RSPO2: variants seen among roughly 807,000 people sequenced by gnomAD.
RSPO2 encodes the protein R-spondin-2.
Under a neutral mutation model 30.9 loss-of-function variants are expected in RSPO2, and 14 were observed. The observed-to-expected ratio is 0.45, with a 90% CI of 0.30 to 0.71. The LOEUF (loss-of-function observed/expected upper bound fraction) is 0.71. Ranked by LOEUF, RSPO2 falls within the 30% of genes least tolerant of loss-of-function variation. RSPO2 has a pLI of 0.08. For missense variants in RSPO2, 264 were observed against 301.9 expected (o/e 0.87, Z 0.93); for synonymous variants, 107 against 96.4 (o/e 1.11, Z -0.64).
intron 2 of RSPO2, among the ~76,000 whole-genome samples, chr8:108,005,521 ATTTGTCTGTCTGCTTG>A (rs146812137): frequency 0.084 from 12,765 of 151,594 alleles, 877 homozygotes; most frequent in African/African-American, 0.18. Context: ...CTTCTCCCTC[ATTTGTCTGTCTGCTTG>A]TTTGTTACGT....
At chr8:108,015,206 T>C (rs181728661) in intron 2 of RSPO2, among the ~76,000 whole-genome samples, 3 of 152,330 alleles carry the variant, frequency 2.0e-5, no homozygotes, top group African/African-American at 7.2e-5. Flanking sequence ...TATATACATA[T>C]TGAGATTATT....
At chr8:108,007,525 T>C (rs1815491224) in intron 2 of RSPO2, among the ~76,000 whole-genome samples, 1 of 152,140 alleles carries the variant, frequency 6.6e-6, no homozygotes, top group Admixed American at 6.5e-5. Flanking sequence ...CGCCTGCTGA[T>C]GTGATGCAAC....
chr8:107,953,019 G>T (rs1813305585), intron 5 of RSPO2, among the ~76,000 whole-genome samples: 1 of 152,172 alleles, frequency 6.6e-6, no homozygotes. Context: ...TTGCTGTGTG[G>T]TTACTAAAAA....
At chr8:108,044,958 C>T (rs1811869413) in intron 2 of RSPO2, among the ~76,000 whole-genome samples, 1 of 152,076 alleles carries the variant, frequency 6.6e-6, no homozygotes, top group Admixed American at 6.6e-5. Flanking sequence ...AAATGTAAGA[C>T]CTTAAACTGT....
At chr8:107,988,382 C>A (rs1586605113) in intron 3 of RSPO2, among the ~76,000 whole-genome samples, 1 of 150,430 alleles carries the variant, frequency 6.6e-6, no homozygotes, top group Admixed American at 6.6e-5. Context: ...AATTGGTAAA[C>A]CAGAGAGATT....
chr8:108,021,417 T>C (rs1323839136), intron 2 of RSPO2, among the ~76,000 whole-genome samples: 1 of 152,162 alleles, frequency 6.6e-6, no homozygotes, highest in Non-Finnish European at 1.5e-5. Flanking sequence ...CAAGTAGGAA[T>C]TTAGTATAGT....
chr8:107,918,184 C>A (rs575929315), intron 5 of RSPO2, among the ~76,000 whole-genome samples: 1 of 152,244 alleles, frequency 6.6e-6, no homozygotes, highest in African/African-American at 2.4e-5. Flanking sequence ...AAGAAAATGT[C>A]TTCCGAGCTA....
At chr8:108,055,282 G>A (rs973709892) in intron 2 of RSPO2, among the ~76,000 whole-genome samples, 5 of 152,198 alleles carry the variant, frequency 3.3e-5, no homozygotes, top group African/African-American at 1.2e-4. Flanking sequence ...AAGAGTGTAT[G>A]AGAGACAGAA....
At chr8:108,070,697 G>A (rs1041263264) in intron 2 of RSPO2, among the ~76,000 whole-genome samples, 10 of 152,092 alleles carry the variant, frequency 6.6e-5, no homozygotes, top group Non-Finnish European at 1.3e-4. Flanking sequence ...AGATGGCTGT[G>A]GGGTGGCTCT....
intron 3 of RSPO2, among the ~76,000 whole-genome samples, chr8:107,970,341 C>T (rs1813952594): frequency 1.3e-5 from 2 of 152,206 alleles, no homozygotes; most frequent in African/African-American, 4.8e-5. Context: ...GCAAGCTATT[C>T]TTAGCTTAAG....
intron 3 of RSPO2, among the ~76,000 whole-genome samples, chr8:107,977,894 C>T (rs1371851026): frequency 6.6e-6 from 1 of 151,748 alleles, no homozygotes; most frequent in Non-Finnish European, 1.5e-5. Flanking sequence ...TTAATAGGAT[C>T]GTCAGATGTG....
chr8:107,934,495 C>G (rs182141513), intron 5 of RSPO2, among the ~76,000 whole-genome samples: 1 of 152,074 alleles, frequency 6.6e-6, no homozygotes, highest in Non-Finnish European at 1.5e-5. Flanking sequence ...GCCTCAGCCT[C>G]CCAAGTAGCT....
At position 108,049,393 on chromosome 8, in the gene RSPO2, T is replaced by TA. The variant is rs953837379; in HGVS notation, c.94+33151dup. On this transcript the variant is annotated intron_variant, in intron 2 of 5. Transcript: ENST00000276659. Reference sequence around the variant, plus strand: ...TTTTAAAGAATACATGCATCTTTTTTAAAAAAAAATTACTTTAGATTCTGG... The same window carrying TA: ...TTTTAAAGAATACATGCATCTTTTTTAAAAAAAAAATTACTTTAGATTCTGG... Among the ~76,000 whole-genome samples, 69 of 151,622 alleles carry TA rather than the reference T, an allele frequency of 4.6e-4. 1 individual carries two copies. The highest frequency in any genetic ancestry group is 2.6e-3 in the Admixed American group (40 of 15,196).
chr8:108,036,053 C>T (rs940208953), intron 2 of RSPO2, among the ~76,000 whole-genome samples: 1 of 152,130 alleles, frequency 6.6e-6, no homozygotes, highest in Non-Finnish European at 1.5e-5. Context: ...TTCTAAAATC[C>T]AAAGTATTTT....
intron 2 of RSPO2, among the ~76,000 whole-genome samples, chr8:108,008,328 C>T (rs990482803): frequency 2.0e-5 from 3 of 152,224 alleles, no homozygotes; most frequent in East Asian, 1.9e-4. Context: ...GAGTAGCAGC[C>T]GCCTGCATTA....
intron 2 of RSPO2, among the ~76,000 whole-genome samples, chr8:108,032,667 G>T (rs1326548658): frequency 1.3e-5 from 2 of 151,976 alleles, no homozygotes; most frequent in Non-Finnish European, 2.9e-5. Flanking sequence ...GCCTCACTCT[G>T]TCACCCAGGC....
chr8:108,001,940 G>T (rs1309788957), intron 2 of RSPO2, among the ~76,000 whole-genome samples: 2 of 152,072 alleles, frequency 1.3e-5, no homozygotes, highest in Admixed American at 6.5e-5. Flanking sequence ...AACGCATGCC[G>T]GGCTTAAAAC....
At chr8:108,075,577 A>G (rs2130732383) in intron 2 of RSPO2, among the ~76,000 whole-genome samples, 1 of 152,242 alleles carries the variant, frequency 6.6e-6, no homozygotes, top group Admixed American at 6.5e-5. Flanking sequence ...CAAATAACAA[A>G]CAAGTATACA....
intron 3 of RSPO2, among the ~76,000 whole-genome samples, chr8:107,981,300 C>A (rs1447654335): frequency 1.3e-5 from 2 of 152,018 alleles, no homozygotes; most frequent in East Asian, 1.9e-4. Flanking sequence ...GGGGGGATTT[C>A]CTGAGCTTAG....
Sources: gnomAD v4.1 joint callset for allele counts (sites outside exome capture counted in the v4.1 genomes callset) on GRCh38, gnomAD v4.1.1 for gene constraint, MANE v1.5 for transcripts, NCBI Gene and HGNC (gene_info 2026-07-23, HGNC 2026-07-21) for gene names.